TENM1: variants seen among roughly 807,000 people sequenced by gnomAD.
The protein encoded by TENM1 is teneurin-1.
A neutral mutation model predicts 174.8 loss-of-function variants in TENM1; 35 were observed. That is an observed-to-expected ratio of 0.20 (90% CI 0.15 to 0.27). The LOEUF is 0.27. Among genes scored for constraint, TENM1 ranks in the 10% least tolerant of loss-of-function variants. The probability of loss-of-function intolerance (pLI) is 1.00; values close to 1 mark genes in which losing one functional copy is unlikely to be tolerated. For synonymous variants in TENM1, 781 were observed against 798.7 expected, an observed-to-expected ratio of 0.98 and a Z score of 0.37; for missense variants, 1,633 against 2,130.1, an observed-to-expected ratio of 0.77 and a Z score of 4.59.
At chrX:124,480,734 A>C (rs989560572) in intron 22 of TENM1, among the ~76,000 whole-genome samples, 3 of 112,058 alleles carry the variant, frequency 2.7e-5, no homozygotes, top group African/African-American at 6.5e-5. Context: ...ATAATAACTA[A>C]GAAAACACTG....
intron 19 of TENM1, among the ~76,000 whole-genome samples, chrX:124,499,144 A>AT (rs2047269911): frequency 9.0e-6 from 1 of 110,891 alleles, no homozygotes; most frequent in African/African-American, 3.3e-5. Context: ...GTTAAGCCTT[A>AT]TTTTTTTCTC....
At chrX:124,482,429 C>T (rs907996445) in intron 21 of TENM1, among the ~76,000 whole-genome samples, 4 of 110,933 alleles carry the variant, frequency 3.6e-5, no homozygotes, top group Non-Finnish European at 5.7e-5. Flanking sequence ...ATACCATCCT[C>T]CCAGGCCCCA....
chrX:124,917,409 G>A lies in TENM1; in HGVS notation c.218-21168C>T, dbSNP rs918639366. The stretch of plus-strand genomic sequence containing the variant: ...ACTAATACAAATATCAGAAGTGGTG[G>A]CCTAGAGATGAATTAGCAAAGTATC... On this transcript the variant is annotated intron_variant, in intron 1 of 31. Coordinates refer to ENST00000422452, the Ensembl canonical transcript of TENM1. Among the ~76,000 whole-genome samples, 5 of 111,686 alleles carry A rather than the reference G, an allele frequency of 4.5e-5. No individual in the cohort carries two copies. In the Admixed American group the frequency reaches 4.8e-4, roughly 11 times the overall value.
intron 3 of TENM1, among the ~76,000 whole-genome samples, chrX:124,811,495 T>C (rs1308645684): frequency 9.0e-6 from 1 of 111,184 alleles, no homozygotes; most frequent in African/African-American, 3.3e-5. Context: ...ATGGCTATTA[T>C]AAAAAAAGAC....
intron 3 of TENM1, among the ~76,000 whole-genome samples, chrX:124,799,028 T>G (rs934939014): frequency 9.0e-5 from 10 of 111,266 alleles, no homozygotes; most frequent in African/African-American, 3.3e-4. Flanking sequence ...CTCAGGTCTC[T>G]GTTCTCTTTC....
chrX:124,965,662 G>T (rs763812409), upstream of TENM1, among the ~76,000 whole-genome samples: 1 of 109,758 alleles, frequency 9.1e-6, no homozygotes, highest in African/African-American at 3.4e-5. Flanking sequence ...AGATGAGCAT[G>T]CTTAAAGAGA....
At chrX:124,741,684 G>C (rs753913136) in intron 3 of TENM1, among the ~76,000 whole-genome samples, 5 of 112,087 alleles carry the variant, frequency 4.5e-5, no homozygotes, top group Non-Finnish European at 7.5e-5. Flanking sequence ...GTGAAGTGGT[G>C]AAAAGGAAAG....
intron 22 of TENM1, among the ~76,000 whole-genome samples, chrX:124,463,877 G>GT (rs781695591): frequency 2.8e-4 from 27 of 96,903 alleles, no homozygotes; most frequent in African/African-American, 8.9e-4. Flanking sequence ...GTGTGTGTGT[G>GT]GAGAGAGAGA....
At chrX:124,846,436 A>G (rs1398550173) in intron 3 of TENM1, among the ~76,000 whole-genome samples, 2 of 111,176 alleles carry the variant, frequency 1.8e-5, no homozygotes, top group African/African-American at 6.5e-5. Flanking sequence ...CATCAATACA[A>G]TTTATAAGGG....
the TENM1 span, among the ~76,000 whole-genome samples, chrX:125,139,356 A>G: frequency 5.1e-4 from 57 of 111,147 alleles, no homozygotes; most frequent in African/African-American, 1.8e-3. Flanking sequence ...GAATCATAAG[A>G]TATGAAGACT....
intron 18 of TENM1, 135 bp downstream of exon 21, chrX:124,520,382 T>C: frequency 1.5e-6 from 1 of 657,816 alleles, no homozygotes; most frequent in Non-Finnish European, 2.2e-6. Flanking sequence ...CAAGGTAGTG[T>C]TTAAATTAAA....
intron 11 of TENM1, among the ~76,000 whole-genome samples, chrX:124,615,000 C>T (rs930463310): frequency 3.6e-5 from 4 of 112,082 alleles, no homozygotes; most frequent in African/African-American, 1.3e-4. Flanking sequence ...TAGTATCAGG[C>T]CAGTAACTAT....
At chrX:124,385,786 G>T in exon 29 of TENM1, 1 of 1,211,473 alleles carries the variant, frequency 8.3e-7, no homozygotes, top group Non-Finnish European at 1.1e-6. Flanking sequence ...TGGTATCATA[G>T]AGAACCTCAG....
chrX:124,833,923 A>T (rs1381938965), intron 3 of TENM1, among the ~76,000 whole-genome samples: 1 of 111,075 alleles, frequency 9.0e-6, no homozygotes, highest in Non-Finnish European at 1.9e-5. Flanking sequence ...TAACTTGCTA[A>T]AGCCACAGAG....
At chrX:124,786,003 T>C (rs1056351204) in intron 3 of TENM1, among the ~76,000 whole-genome samples, 1 of 111,835 alleles carries the variant, frequency 8.9e-6, no homozygotes, top group Non-Finnish European at 1.9e-5. Flanking sequence ...ATTAGTATAA[T>C]AGGTCAATGT....
the TENM1 span, among the ~76,000 whole-genome samples, chrX:125,012,406 C>T: frequency 1.8e-5 from 2 of 112,124 alleles, no homozygotes; most frequent in Admixed American, 1.9e-4. Context: ...CACTTTCAAA[C>T]ACTAAAATGA....
intron 23 of TENM1, among the ~76,000 whole-genome samples, chrX:124,449,564 AC>A (rs939560212): frequency 8.9e-6 from 1 of 112,010 alleles, no homozygotes; most frequent in Non-Finnish European, 1.9e-5. Flanking sequence ...AAAATATCCC[AC>A]AAGTGAATCA....
chrX:124,390,365 T>G (rs2147612988), intron 28 of TENM1, among the ~76,000 whole-genome samples: 1 of 112,481 alleles, frequency 8.9e-6, no homozygotes, highest in African/African-American at 3.2e-5. Context: ...TATTATACTT[T>G]AAGTTTTAGG....
intron 4 of TENM1, among the ~76,000 whole-genome samples, chrX:124,732,731 A>G (rs1312637431): frequency 1.8e-5 from 2 of 111,796 alleles, no homozygotes; most frequent in Admixed American, 1.9e-4. Flanking sequence ...TACAGTGGAG[A>G]AAAGACATCG....
Sources: gnomAD v4.1 joint callset for allele counts (sites outside exome capture counted in the v4.1 genomes callset) on GRCh38, gnomAD v4.1.1 for gene constraint, MANE v1.5 for transcripts, NCBI Gene and HGNC (gene_info 2026-07-23, HGNC 2026-07-21) for gene names.